DELE1: variants seen among roughly 807,000 people sequenced by gnomAD.
DELE1 encodes the protein death ligand signal enhancer.
DELE1 carries 54 observed loss-of-function variants against 59.3 expected under a neutral mutation model. The ratio of observed to expected loss-of-function variants is 0.91; its 90% CI spans 0.73 to 1.14. DELE1 has a LOEUF of 1.14. Ranked by LOEUF, DELE1 falls within the 50% of genes most tolerant of loss-of-function variation. The pLI is 0.00. For synonymous variants in DELE1, 264 were observed against 259.1 expected (o/e 1.02, Z -0.18); for missense variants, 636 against 643.9 (o/e 0.99, Z 0.13).
chr5:141,940,994 G>C lies in DELE1; in HGVS notation c.*2235G>C. ...CAAGAAGTCCTCCAGTAAAGAACTTGGTTAACCCAATGTTTTCTCTCACTG... is the reference window on the plus strand; with the variant it reads ...CAAGAAGTCCTCCAGTAAAGAACTTCGTTAACCCAATGTTTTCTCTCACTG... On this transcript the variant is annotated 3_prime_UTR_variant, in exon 12 of 12. Coordinates refer to ENST00000432126, the MANE Select transcript of DELE1 (RefSeq NM_014773.5). 1.0e-6 allele frequency: 1 copy of C among 983,318 alleles called. No individual in the cohort carries two copies. The highest frequency in any genetic ancestry group is 1.2e-6 in the Non-Finnish European group (1 of 828,018). The allele number at this position is 983,318 out of a possible 1,614,324, so 60.9% of individuals were successfully genotyped here. A position where few individuals can be genotyped will look rare whatever the true frequency, so the allele number is the denominator to read the frequency against.
At position 141,941,290 on chromosome 5, in the gene DELE1, A is replaced by C; in HGVS notation, c.*2531A>C. 1.0e-6 allele frequency: 1 copy of C among 985,540 alleles called. No individual in the cohort carries two copies. Among genetic ancestry groups the C allele is most frequent in the Non-Finnish European group, 1.2e-6 (1 of 830,020 alleles). The allele number at this position is 985,540 out of a possible 1,614,324, so 61.0% of individuals were successfully genotyped here. On this transcript the variant is annotated 3_prime_UTR_variant, in exon 12 of 12. Coordinates refer to ENST00000432126, the MANE Select transcript of DELE1 (RefSeq NM_014773.5). ...CTCCCACTCAGTCACTACTGAGCTA[A>C]GTACTGATTCAATTTGGGGTGCCAA...
Position 141,939,426 on chromosome 5 carries a change from C to T in DELE1, c.*667C>T, listed in dbSNP as rs1752608876. 1.0e-6 allele frequency: 1 copy of T among 985,830 alleles called. No individual in the cohort carries two copies. The highest frequency in any genetic ancestry group is 1.2e-6 in the Non-Finnish European group (1 of 829,928). The allele number at this position is 985,830 out of a possible 1,614,324, so 61.1% of individuals were successfully genotyped here. On this transcript the variant is annotated 3_prime_UTR_variant, in exon 12 of 12. Transcript: ENST00000432126. ...CTTAGGAAACTCTGAATTAGGCCAT[C>T]CTCGAGACTAGCCCACCATTCACCT...
Position 141,940,155 on chromosome 5 carries a change from A to C in DELE1, c.*1396A>C. On this transcript the variant is annotated 3_prime_UTR_variant, in exon 12 of 12. Coordinates refer to ENST00000432126, the MANE Select transcript of DELE1 (RefSeq NM_014773.5). ...AAAACAGATATTGGATTATCTCATC[A>C]CTCTTGCCCTTGAGTATTATGGGAA... 3.0e-6 allele frequency: 3 copies of C among 985,298 alleles called. No homozygotes were observed. The highest frequency in any genetic ancestry group is 5.2e-4 in the Middle Eastern group (1 of 1,914). The allele number at this position is 985,298 out of a possible 1,614,324, so 61.0% of individuals were successfully genotyped here.
chr5:141,930,171 T>C lies in DELE1; in HGVS notation c.658-7T>C. 1.9e-6 allele frequency: 3 copies of C among 1,612,342 alleles called. No individual in the cohort carries two copies. Among genetic ancestry groups the C allele is most frequent in the Non-Finnish European group, 2.5e-6 (3 of 1,178,630 alleles). ...CCCTTGGTGAGTCTTTTATATTTCTTTCCCAGGAACAAGATAAATCAAAAA... is the reference window on the plus strand; with the variant it reads ...CCCTTGGTGAGTCTTTTATATTTCTCTCCCAGGAACAAGATAAATCAAAAA... On this transcript the variant is annotated splice_polypyrimidine_tract_variant and splice_region_variant and intron_variant, in intron 6 of 11. Transcript: ENST00000432126.
rs756302217 is a variant in DELE1 at position 141,940,670 on chromosome 5, G to A, written c.*1911G>A. 3.4e-5 allele frequency: 33 copies of A among 984,216 alleles called. No homozygotes were observed. Among genetic ancestry groups the A allele is most frequent in the Non-Finnish European group, 4.0e-5 (33 of 828,758 alleles). 61.0% of individuals were successfully genotyped at this position (984,216 alleles called of 1,614,324 possible). A position where few individuals can be genotyped will look rare whatever the true frequency, so the allele number is the denominator to read the frequency against. The stretch of plus-strand genomic sequence containing the variant: ...TGCTCCCTGCCTCCTTTTCAGGGCT[G>A]CCCTGCACACTGGCTCACCACTGTT... On this transcript the variant is annotated 3_prime_UTR_variant, in exon 12 of 12. Transcript: ENST00000432126.
At position 141,941,325 on chromosome 5, in the gene DELE1, G is replaced by A. The variant is rs1752725219; in HGVS notation, c.*2566G>A. 10 of 985,496 alleles carry A rather than the reference G, an allele frequency of 1.0e-5. No individual in the cohort carries two copies. Among genetic ancestry groups the A allele is most frequent in the South Asian group, 4.7e-5 (1 of 21,292 alleles). The allele number at this position is 985,496 out of a possible 1,614,324, so 61.0% of individuals were successfully genotyped here. On this transcript the variant is annotated 3_prime_UTR_variant, in exon 12 of 12. Transcript: ENST00000432126. ...CAATTTGGGGTGCCAAAGGTTGGGG[G>A]TAGGATATTTTTAAGCTCTCCAATT... is the stretch of plus-strand genomic sequence containing the variant.
chr5:141,927,529 C>T (rs2126869564), intron 3 of DELE1, among the ~76,000 whole-genome samples: 1 of 152,314 alleles, frequency 6.6e-6, no homozygotes, highest in South Asian at 2.1e-4. Context: ...TAAGGAGAGA[C>T]AGGAGACAGG....
chr5:141,938,613 C>T lies in DELE1; in HGVS notation c.1402C>T (p.Arg468Cys), dbSNP rs10056676. 9.4e-4 allele frequency: 1,522 copies of T among 1,614,132 alleles called. 13 individuals carry two copies. In the African/African-American group the frequency reaches 0.018, roughly 19 times the overall value. The change falls in exon 12 of 12, where the codon CGC becomes TGC. Residue 468 changes from arginine to cysteine, a missense_variant. Arg to Cys is a radical substitution (Grantham distance 180, BLOSUM62 -3). Transcript: ENST00000432126. ...SLNTLLAGTSRLPHASSTGNL... is the reference protein window; with the variant it reads ...SLNTLLAGTSCLPHASSTGNL... ...GAACACCCTGCTAGCAGGAACCTCA[C>T]GCCTACCACATGCCTCGAGCACAGG...
In DELE1 at chr5:141,934,532, C is replaced by T. The variant is rs1752209411; in HGVS notation, c.1095C>T (p.Pro365=). The part of the protein sequence containing the change: ...AFLGVLFTKE[P]YLDEQRAVKY... ...TCGGGGTGCTTTTCACCAAGGAGCC[C>T]TACCTGGATGAGCAGAGAGCTGTGA... Residue 365 remains proline, a synonymous_variant, in exon 10 of 12, where the codon CCC becomes CCT. Transcript: ENST00000432126. The T allele has an allele frequency of 6.2e-7, 1 of 1,614,270 alleles. No individual in the cohort carries two copies. The highest frequency in any genetic ancestry group is 2.2e-5 in the East Asian group (1 of 44,888).
intron 3 of DELE1, among the ~76,000 whole-genome samples, chr5:141,926,506 G>A (rs1751436575): frequency 6.6e-6 from 1 of 152,182 alleles, no homozygotes; most frequent in Non-Finnish European, 1.5e-5. Flanking sequence ...CGCTTTTCAG[G>A]CAATGTTCCA....
At position 141,939,487 on chromosome 5, in the gene DELE1, T is replaced by C; in HGVS notation, c.*728T>C. ...CCCGTGGGCTCATAATCGTTTTCAT[T>C]TCACCTTTGATTTGGAAGGAAGAAG... On this transcript the variant is annotated 3_prime_UTR_variant, in exon 12 of 12. Transcript: ENST00000432126. The C allele has an allele frequency of 2.0e-6, 2 of 985,864 alleles. No individual in the cohort carries two copies. Among genetic ancestry groups the C allele is most frequent in the Non-Finnish European group, 2.4e-6 (2 of 829,942 alleles). 61.1% of individuals were successfully genotyped at this position (985,864 alleles called of 1,614,324 possible).
At position 141,941,246 on chromosome 5, in the gene DELE1, C is replaced by T; in HGVS notation, c.*2487C>T. On this transcript the variant is annotated 3_prime_UTR_variant, in exon 12 of 12. Coordinates refer to ENST00000432126, the MANE Select transcript of DELE1 (RefSeq NM_014773.5). ...TCCTGTGGTGAAGGCCAGATGCAGC[C>T]CTCCCTGAGTGGCTCTCCCTCCCAC... is the stretch of plus-strand genomic sequence containing the variant. 1.0e-6 allele frequency: 1 copy of T among 985,488 alleles called. No homozygotes were observed. Among genetic ancestry groups the T allele is most frequent in the Non-Finnish European group, 1.2e-6 (1 of 829,968 alleles). The allele number at this position is 985,488 out of a possible 1,614,324, so 61.0% of individuals were successfully genotyped here.
In DELE1 at chr5:141,925,438, G is replaced by T; in HGVS notation, c.175G>T (p.Gly59Trp). ...RSGPHGPGTS[G>W]GPRSHGWKDA... ...AGGTCCCCATGGCCCAGGCACGAGCGGGGGTCCAAGGTCCCATGGATGGAA... is the reference window on the plus strand; with the variant it reads ...AGGTCCCCATGGCCCAGGCACGAGCTGGGGTCCAAGGTCCCATGGATGGAA... Residue 59 changes from glycine (G) to tryptophan (W), a missense_variant, in exon 3 of 12, where the codon GGG becomes TGG. By Grantham distance (184) the Gly-to-Trp change is radical (BLOSUM62 -2). Transcript: ENST00000432126. 1 of 1,598,842 alleles carries T rather than the reference G, an allele frequency of 6.3e-7. No individual in the cohort carries two copies. Among genetic ancestry groups the T allele is most frequent in the Non-Finnish European group, 8.5e-7 (1 of 1,172,820 alleles).
At chr5:141,931,081 G>A (rs1021239074) in intron 7 of DELE1, 7 of 152,176 alleles carry the variant, frequency 4.6e-5, no homozygotes, top group African/African-American at 1.7e-4. Flanking sequence ...GAAAATAAAG[G>A]AATGTGTTAG....
chr5:141,929,220 G>T (rs963445380), intron 4 of DELE1, among the ~76,000 whole-genome samples: 1 of 152,138 alleles, frequency 6.6e-6, no homozygotes, highest in Admixed American at 6.5e-5. Context: ...AGCCCGAGCA[G>T]CCTGCACTGA....
Position 141,925,437 on chromosome 5 carries a change from C to T in DELE1, c.174C>T (p.Ser58=), listed in dbSNP as rs373027492. The change falls in exon 3 of 12, where the codon AGC becomes AGT. Residue 58 remains serine (S), a synonymous_variant. Coordinates refer to ENST00000432126, the MANE Select transcript of DELE1 (RefSeq NM_014773.5). ...DRSGPHGPGT[S]GGPRSHGWKD... is the part of the protein sequence containing the mutation. Reference sequence around the variant, plus strand: ...CAGGTCCCCATGGCCCAGGCACGAGCGGGGGTCCAAGGTCCCATGGATGGA... The same window carrying T: ...CAGGTCCCCATGGCCCAGGCACGAGTGGGGGTCCAAGGTCCCATGGATGGA... 14 of 1,597,412 alleles carry T rather than the reference C, an allele frequency of 8.8e-6. No individual in the cohort carries two copies. Among genetic ancestry groups the T allele is most frequent in the Admixed American group, 5.2e-5 (3 of 57,572 alleles).
intron 7 of DELE1, among the ~76,000 whole-genome samples, chr5:141,932,687 T>G (rs731562): frequency 0.19 from 28,608 of 152,012 alleles, 4,776 homozygotes; most frequent in African/African-American, 0.46. Context: ...CTAGGGGAGG[T>G]GTTGTTCCCA....
intron 8 of DELE1, 200 bp downstream of exon 8, chr5:141,933,601 C>T (rs1387933851): frequency 3.0e-6 from 1 of 333,024 alleles, no homozygotes; most frequent in Non-Finnish European, 5.4e-6. Context: ...GGGATTTTGC[C>T]TTTCTTCTTT....
chr5:141,928,151 G>A lies in DELE1; in HGVS notation c.265G>A (p.Gly89Ser). Residue 89 changes from glycine (G) to serine (S), a missense_variant and splice_region_variant, in exon 4 of 12, where the codon GGC (glycine) becomes AGC (serine). Gly to Ser is a moderately conservative substitution (Grantham distance 56, BLOSUM62 0). Transcript: ENST00000432126. ...PNTLWDAISW[G>S]TLAVLALQLA... ...GTCCTTAACGTGCTGTCTTTCCCAG[G>A]GCACTCTGGCCGTGCTGGCCCTGCA... The A allele has an allele frequency of 6.2e-7, 1 of 1,613,048 alleles. No individual in the cohort carries two copies. The highest frequency in any genetic ancestry group is 8.5e-7 in the Non-Finnish European group (1 of 1,179,404).
Sources: gnomAD v4.1 joint callset for allele counts (sites outside exome capture counted in the v4.1 genomes callset) on GRCh38, gnomAD v4.1.1 for gene constraint, MANE v1.5 for transcripts, NCBI Gene and HGNC (gene_info 2026-07-23, HGNC 2026-07-21) for gene names.